The following GTF2H1 variants were observed in gnomAD, a reference collection of about 807,000 sequenced individuals.
GTF2H1 encodes the protein general transcription factor IIH subunit 1, also known as BTF2 p62.
In GTF2H1, 16 loss-of-function variants were observed where a neutral mutation model predicts 71.2. The observed-to-expected ratio is 0.22, with a 90% CI of 0.15 to 0.34. GTF2H1 has a LOEUF of 0.34. GTF2H1 is among the 10% of genes least tolerant of loss of function. The pLI is 1.00. For synonymous variants in GTF2H1, 215 were observed against 219.0 expected (o/e 0.98, Z 0.16); for missense variants, 498 against 648.2 (o/e 0.77, Z 2.52).
intron 1 of GTF2H1, chr11:18,326,011 G>A (rs983822192): frequency 5.3e-5 from 8 of 152,158 alleles, no homozygotes; most frequent in African/African-American, 1.9e-4. Flanking sequence ...GGAAATCACA[G>A]AAGGCATTGT....
In GTF2H1 at chr11:18,365,850, G is replaced by C; in HGVS notation, c.1628G>C (p.Arg543Pro). 6.2e-7 allele frequency: 1 copy of C among 1,612,992 alleles called. No individual in the cohort carries two copies. Among genetic ancestry groups the C allele is most frequent in the Non-Finnish European group, 8.5e-7 (1 of 1,179,022 alleles). Residue 543 changes from arginine to proline, a missense_variant, in exon 15 of 15, where the codon CGT becomes CCT. By Grantham distance (103) the Arg-to-Pro change is moderately radical (BLOSUM62 -2). This residue lies in a region of GTF2H1 where 266 missense variants were observed against 301.6 expected (regional missense o/e 0.88). Coordinates refer to ENST00000265963, the MANE Select transcript of GTF2H1 (RefSeq NM_005316.4). ...YNKLHTWQSRRLMKKT is the reference protein window; with the variant it reads ...YNKLHTWQSRPLMKKT ...AAGCTCCACACATGGCAGTCACGGC[G>C]TCTGATGAAGAAAACGTGAGGTGGC...
At chr11:18,339,485 C>G in intron 4 of GTF2H1, 79 bp from the exon 5 acceptor site, 1 of 949,432 alleles carries the variant, frequency 1.1e-6, no homozygotes, top group African/African-American at 1.7e-5. Context: ...TTTTTTCCAC[C>G]TTTGTCCAGT....
At chr11:18,331,119 C>G (rs995470995) in intron 1 of GTF2H1, among the ~76,000 whole-genome samples, 4 of 152,292 alleles carry the variant, frequency 2.6e-5, no homozygotes, top group Admixed American at 2.0e-4. Context: ...GCGATCTCAC[C>G]TCACTGCAGC....
chr11:18,341,627 GTT>G lies in GTF2H1; in HGVS notation c.837+23_837+24del, dbSNP rs768977907. ...GATGAGGTAAGAAGCAATAAAAGAA[GTT>G]TTGAGAGAAAAGAGTCTTTTCCTAG... is the stretch of plus-strand genomic sequence containing the variant. On this transcript the variant is annotated intron_variant, in intron 7 of 14. Coordinates refer to ENST00000265963, the MANE Select transcript of GTF2H1 (RefSeq NM_005316.4). 6.7e-7 allele frequency: 1 copy of G among 1,483,226 alleles called. No individual in the cohort carries two copies. The allele number at this position is 1,483,226 out of a possible 1,614,324, so 91.9% of individuals were successfully genotyped here.
chr11:18,349,835 A>G (rs904209739), intron 9 of GTF2H1, among the ~76,000 whole-genome samples: 8 of 152,254 alleles, frequency 5.3e-5, no homozygotes, highest in Non-Finnish European at 8.8e-5. Flanking sequence ...ATGGAACACC[A>G]TAGTTTAGCC....
chr11:18,347,638 A>G lies in GTF2H1; in HGVS notation c.888A>G (p.Lys296=). The G allele has an allele frequency of 6.2e-7, 1 of 1,611,282 alleles. No individual in the cohort carries two copies. The highest frequency in any genetic ancestry group is 8.5e-7 in the Non-Finnish European group (1 of 1,177,404). ...VPSASNSKSI[K]ENSNAAIIKR... is the part of the protein sequence containing the mutation. ...CTGCTTCCAATTCTAAATCCATAAA[A>G]GAGAATAGTAATGCTGCCATCATCA... Residue 296 remains lysine (K), a synonymous_variant, in exon 8 of 15, where the codon AAA becomes AAG. Coordinates refer to ENST00000265963, the MANE Select transcript of GTF2H1 (RefSeq NM_005316.4).
intron 11 of GTF2H1, among the ~76,000 whole-genome samples, chr11:18,354,476 G>C (rs1865496868): frequency 6.6e-6 from 1 of 152,090 alleles, no homozygotes; most frequent in Admixed American, 6.5e-5. Flanking sequence ...CTGATGCCCA[G>C]GCTGTAGTGC....
chr11:18,340,350 C>T (rs1319608793), intron 5 of GTF2H1, among the ~76,000 whole-genome samples: 8 of 151,992 alleles, frequency 5.3e-5, no homozygotes, highest in Non-Finnish European at 7.4e-5. Flanking sequence ...TGCAGTGGCG[C>T]GATCTTGGCT....
At chr11:18,326,671 T>G (rs1035050726) in intron 1 of GTF2H1, among the ~76,000 whole-genome samples, 1 of 152,222 alleles carries the variant, frequency 6.6e-6, no homozygotes, top group African/African-American at 2.4e-5. Context: ...AACACTTTAT[T>G]TGTGCCTGTA....
chr11:18,332,597 A>G (rs1037081169), intron 1 of GTF2H1: 1 of 152,420 alleles, frequency 6.6e-6, no homozygotes, highest in Admixed American at 6.5e-5. Flanking sequence ...CAGACCAGAA[A>G]TCAGGAAACT....
intron 2 of GTF2H1, among the ~76,000 whole-genome samples, chr11:18,334,389 T>C (rs1434851826): frequency 2.0e-5 from 3 of 152,172 alleles, no homozygotes; most frequent in African/African-American, 7.2e-5. Context: ...AAGACATATA[T>C]TTCTGAGAGA....
At chr11:18,355,826 C>G (rs555582545) in intron 11 of GTF2H1, among the ~76,000 whole-genome samples, 1 of 152,306 alleles carries the variant, frequency 6.6e-6, no homozygotes, top group South Asian at 2.1e-4. Context: ...TTGATAAACA[C>G]ATGCTGTTGT....
chr11:18,340,373 C>T (rs1267464984), intron 5 of GTF2H1, among the ~76,000 whole-genome samples: 2 of 152,026 alleles, frequency 1.3e-5, no homozygotes, highest in Non-Finnish European at 2.9e-5. Context: ...CTGCAACCTC[C>T]GCCTCCCAGG....
chr11:18,355,792 T>C (rs1865531049), intron 11 of GTF2H1, among the ~76,000 whole-genome samples: 1 of 152,166 alleles, frequency 6.6e-6, no homozygotes, highest in Non-Finnish European at 1.5e-5. Flanking sequence ...AATTTATCTT[T>C]TTAAGTCTGC....
chr11:18,352,705 A>G (rs193207238), intron 11 of GTF2H1, among the ~76,000 whole-genome samples: 10 of 152,312 alleles, frequency 6.6e-5, no homozygotes, highest in South Asian at 4.1e-4. Context: ...TATTGGGAAA[A>G]TCTCCCAGGT....
In GTF2H1 at chr11:18,365,921, A is replaced by G; in HGVS notation, c.*52A>G. On this transcript the variant is annotated 3_prime_UTR_variant, in exon 15 of 15. Transcript: ENST00000265963. ...TGAGATTGAGAGAACTATGACCTGC[A>G]GCAACTCTGGAAACCTGGCCTGACA... The G allele has an allele frequency of 3.9e-6, 5 of 1,280,618 alleles. No individual in the cohort carries two copies. Among genetic ancestry groups the G allele is most frequent in the Non-Finnish European group, 5.7e-6 (5 of 883,530 alleles). 79.3% of individuals were successfully genotyped at this position (1,280,618 alleles called of 1,614,324 possible). A position where few individuals can be genotyped will look rare whatever the true frequency, so the allele number is the denominator to read the frequency against.
At chr11:18,360,289 A>G (rs1269578494) in intron 13 of GTF2H1, among the ~76,000 whole-genome samples, 2 of 151,912 alleles carry the variant, frequency 1.3e-5, no homozygotes, top group African/African-American at 2.4e-5. Flanking sequence ...CGCCCAGCTA[A>G]TTTTTGTATT....
chr11:18,354,750 A>C (rs901374017), intron 11 of GTF2H1, among the ~76,000 whole-genome samples: 1 of 152,168 alleles, frequency 6.6e-6, no homozygotes, highest in Admixed American at 6.5e-5. Flanking sequence ...TATTTATATC[A>C]GCATGGATTC....
intron 14 of GTF2H1, among the ~76,000 whole-genome samples, chr11:18,365,136 G>C (rs1323428269): frequency 6.6e-6 from 1 of 150,812 alleles, no homozygotes; most frequent in East Asian, 1.9e-4. Flanking sequence ...CCAGCACTTT[G>C]GGAGGCTGAG....
Sources: allele counts gnomAD v4.1 joint callset (sites outside exome capture counted in the v4.1 genomes callset), GRCh38; gene constraint gnomAD v4.1.1; regional missense constraint gnomAD v4.1.1; transcripts MANE v1.5; gene names NCBI Gene and HGNC (gene_info 2026-07-23, HGNC 2026-07-21).